The following SVEP1 variants were observed in gnomAD, a reference collection of about 807,000 sequenced individuals.
The protein encoded by SVEP1 is sushi, von Willebrand factor type A, EGF and pentraxin domain-containing protein 1.
In SVEP1, 164 loss-of-function variants were observed where a neutral mutation model predicts 367.3. The observed-to-expected ratio is 0.45, with a 90% CI of 0.39 to 0.51. The LOEUF (loss-of-function observed/expected upper bound fraction) is 0.51. Ranked by LOEUF, SVEP1 falls within the 20% of genes least tolerant of loss-of-function variation. The pLI, the probability that SVEP1 is intolerant of heterozygous loss-of-function variation, is 0.00. For synonymous variants in SVEP1, 1,666 were observed against 1,611.6 expected (o/e 1.03, Z -0.81); for missense variants, 4,117 against 4,425.3 (o/e 0.93, Z 1.98).
At chr9:110,521,533 C>A (rs1379555514) in intron 3 of SVEP1, among the ~76,000 whole-genome samples, 1 of 152,146 alleles carries the variant, frequency 6.6e-6, no homozygotes, top group Non-Finnish European at 1.5e-5. Context: ...GTTGCATCAG[C>A]AAAGTAATTT....
At chr9:110,410,060 T>G (rs201661422) in intron 37 of SVEP1, among the ~76,000 whole-genome samples, 1 of 114,734 alleles carries the variant, frequency 8.7e-6, no homozygotes, top group Admixed American at 8.7e-5. Context: ...CTCTTCCAAT[T>G]AATAAATGAA....
Position 110,499,086 on chromosome 9 carries a change from T to C in SVEP1, c.1636A>G (p.Thr546Ala), listed in dbSNP as rs768810144. The stretch of plus-strand genomic sequence containing the variant: ...ACTCCGACATTCCATTTTCCAGAAG[T>C]GGTACATCTCAGCATTTCTTTGACT... Reference protein sequence around the residue: ...SGVKEMLRCTTSGKWNVGVQA... With the variant: ...SGVKEMLRCTASGKWNVGVQA... The change falls in exon 7 of 48, where the codon ACT (threonine) becomes GCT (alanine). Residue 546 changes from threonine to alanine, a missense_variant. By Grantham distance (58) the Thr-to-Ala change is moderately conservative (BLOSUM62 0). Transcript: ENST00000374469. 1 of 1,613,760 alleles carries C rather than the reference T, an allele frequency of 6.2e-7. No individual in the cohort carries two copies. The highest frequency in any genetic ancestry group is 8.5e-7 in the Non-Finnish European group (1 of 1,179,798).
chr9:110,504,168 C>T (rs534411120), intron 5 of SVEP1, among the ~76,000 whole-genome samples: 96 of 152,092 alleles, frequency 6.3e-4, no homozygotes, highest in African/African-American at 2.3e-3. Context: ...CATTCTCCTG[C>T]CTCAGCCTCC....
At chr9:110,383,236 GA>G (rs1176551375) in intron 43 of SVEP1, among the ~76,000 whole-genome samples, 20 of 150,108 alleles carry the variant, frequency 1.3e-4, no homozygotes, top group Admixed American at 4.0e-4. Flanking sequence ...ACCTTTAGAT[GA>G]GGCTTTTGTG....
At chr9:110,395,967 A>G (rs1170403179) in intron 40 of SVEP1, among the ~76,000 whole-genome samples, 2 of 151,354 alleles carry the variant, frequency 1.3e-5, no homozygotes, top group South Asian at 4.2e-4. Context: ...TAACAAGGAT[A>G]CCCAGGAATT....
intron 34 of SVEP1, 147 bp from the exon 35 acceptor site, chr9:110,429,481 A>ATT: frequency 1.9e-6 from 1 of 530,202 alleles, no homozygotes; most frequent in Non-Finnish European, 3.1e-6. Context: ...TTTTAAATTA[A>ATT]TTTTTTTTTT....
chr9:110,470,643 C>T (rs1829001331), intron 16 of SVEP1, among the ~76,000 whole-genome samples: 1 of 151,808 alleles, frequency 6.6e-6, no homozygotes, highest in South Asian at 2.1e-4. Flanking sequence ...GCCATGTTGC[C>T]CAGGCTGGTC....
intron 3 of SVEP1, among the ~76,000 whole-genome samples, chr9:110,530,398 C>T (rs937947611): frequency 6.6e-6 from 1 of 152,124 alleles, no homozygotes; most frequent in African/African-American, 2.4e-5. Context: ...CATGACTACC[C>T]ATTGCTTTAC....
intron 20 of SVEP1, among the ~76,000 whole-genome samples, chr9:110,457,692 T>A (rs1218913629): frequency 6.6e-6 from 1 of 152,168 alleles, no homozygotes; most frequent in East Asian, 1.9e-4. Context: ...AGTCTGTACA[T>A]TACTGTCTTA....
intron 24 of SVEP1, 61 bp downstream of exon 24, chr9:110,449,998 C>A: frequency 1.3e-6 from 2 of 1,569,946 alleles, no homozygotes; most frequent in Non-Finnish European, 1.7e-6. Flanking sequence ...ATAAAGGCTG[C>A]AGAATCACTG....
At chr9:110,394,086 G>C (rs1350898344) in intron 40 of SVEP1, among the ~76,000 whole-genome samples, 3 of 152,290 alleles carry the variant, frequency 2.0e-5, no homozygotes, top group South Asian at 2.1e-4. Flanking sequence ...CCCCCGAGTA[G>C]CCTAACTGGG....
chr9:110,410,423 GT>G lies in SVEP1; in HGVS notation c.6648+639del, dbSNP rs1828027712. ...AGAATTGTAAAAACTACATTATTTG[GT>G]TTACCCTATCTTTTGTCTAAGCATT... On this transcript the variant is annotated intron_variant, in intron 37 of 47. Transcript: ENST00000374469. Among the ~76,000 whole-genome samples, 3 of 152,106 alleles carry G rather than the reference GT, an allele frequency of 2.0e-5. No homozygotes were observed. In the South Asian group the frequency reaches 6.2e-4, roughly 32 times the overall value.
rs1188603526 is a variant in SVEP1, at chr9:110,514,058, C to A, written c.1013G>T (p.Ser338Ile). The A allele has an allele frequency of 1.2e-6, 2 of 1,611,466 alleles. No homozygotes were observed. Among genetic ancestry groups the A allele is most frequent in the South Asian group, 2.2e-5 (2 of 90,264 alleles). The change falls in exon 4 of 48, where the codon AGC becomes ATC. Residue 338 changes from serine (S) to isoleucine (I), a missense_variant. By Grantham distance (142) the Ser-to-Ile change is moderately radical (BLOSUM62 -2). Coordinates refer to ENST00000374469, the MANE Select transcript of SVEP1 (RefSeq NM_153366.4). ...YKPEGSPGGI[S>I]SCIPCPDENH... ...TTCATCAGGACATGGAATGCAACTG[C>A]TGATTCCTCCTGGTGAGCCTTCAGG... is the stretch of plus-strand genomic sequence containing the variant.
At chr9:110,378,370 CT>C (rs1827384239) in intron 44 of SVEP1, among the ~76,000 whole-genome samples, 1 of 152,194 alleles carries the variant, frequency 6.6e-6, no homozygotes, top group South Asian at 2.1e-4. Flanking sequence ...GCAATAGCCC[CT>C]GTTTCTTTTG....
rs953300039 is a variant in SVEP1 at position 110,446,049 on chromosome 9, T to G, written c.4262-11A>C. On this transcript the variant is annotated splice_polypyrimidine_tract_variant and intron_variant, in intron 25 of 47. Transcript: ENST00000374469. ...AGCCTGTAGACTGTTCTGCAATGAA[T>G]AAGAAAAGTGTGCAGACTGTGGCAC... is the stretch of plus-strand genomic sequence containing the variant. 4 of 1,598,280 alleles carry G rather than the reference T, an allele frequency of 2.5e-6. No individual in the cohort carries two copies. Among genetic ancestry groups the G allele is most frequent in the Non-Finnish European group, 3.4e-6 (4 of 1,171,836 alleles).
chr9:110,485,006 C>T (rs370223727), intron 9 of SVEP1, among the ~76,000 whole-genome samples: 21 of 152,264 alleles, frequency 1.4e-4, no homozygotes, highest in African/African-American at 4.3e-4. Flanking sequence ...TTAGTTCAAC[C>T]GTTGTGGATG....
intron 20 of SVEP1, chr9:110,458,083 A>C (rs565612862): frequency 2.8e-5 from 13 of 465,630 alleles, no homozygotes; most frequent in South Asian, 1.3e-4. Context: ...CTGGCAAAGA[A>C]ATTTAAATAA....
chr9:110,514,670 C>A (rs550032758), intron 3 of SVEP1, among the ~76,000 whole-genome samples: 10 of 152,226 alleles, frequency 6.6e-5, no homozygotes, highest in African/African-American at 2.4e-4. Flanking sequence ...AAATACAACA[C>A]AACACAGCAT....
intron 39 of SVEP1, 96 bp from the exon 40 acceptor site, chr9:110,401,105 A>G: frequency 6.8e-7 from 1 of 1,468,976 alleles, no homozygotes; most frequent in Non-Finnish European, 9.2e-7. Context: ...AATAATCTCC[A>G]AAATGATAGT....
Sources: allele counts gnomAD v4.1 joint callset (sites outside exome capture counted in the v4.1 genomes callset), GRCh38; gene constraint gnomAD v4.1.1; transcripts MANE v1.5; gene names NCBI Gene and HGNC (gene_info 2026-07-23, HGNC 2026-07-21).